RBFOX1: variants seen among roughly 807,000 people sequenced by gnomAD.
RBFOX1 encodes the protein RNA binding fox-1 homolog 1.
In RBFOX1, 8 loss-of-function variants were observed where a neutral mutation model predicts 57.7. The observed-to-expected ratio is 0.14, with a 90% confidence interval of 0.08 to 0.25. RBFOX1 has a LOEUF of 0.25. Ranked by LOEUF, RBFOX1 falls within the 10% of genes least tolerant of loss-of-function variation. The pLI, the probability that RBFOX1 is intolerant of heterozygous loss-of-function variation, is 1.00. For synonymous variants in RBFOX1, 326 were observed against 222.4 expected (o/e 1.47, Z -4.15); for missense variants, 611 against 548.5 (o/e 1.11, Z -1.14).
intron 1 of RBFOX1, among the ~76,000 whole-genome samples, chr16:6,222,182 A>G (rs1318902039): frequency 6.6e-6 from 1 of 152,138 alleles, no homozygotes; most frequent in African/African-American, 2.4e-5. Context: ...CTAGAGAGAT[A>G]TTTCTTTTAT....
At chr16:5,978,699 G>C (rs2343345) in intron 4 of RBFOX1, among the ~76,000 whole-genome samples, 1 of 147,212 alleles carries the variant, frequency 6.8e-6, no homozygotes, top group African/African-American at 2.5e-5. Context: ...TGTTGTTGTT[G>C]TTTTTTTAAA....
intron 3 of RBFOX1, among the ~76,000 whole-genome samples, chr16:6,968,100 C>T (rs962993337): frequency 3.9e-5 from 6 of 152,142 alleles, no homozygotes; most frequent in African/African-American, 9.7e-5. Flanking sequence ...TGGAATGGAT[C>T]TGTGGCTCTG....
intron 1 of RBFOX1, among the ~76,000 whole-genome samples, chr16:5,389,900 G>C (rs1056867755): frequency 4.6e-5 from 7 of 152,008 alleles, no homozygotes; most frequent in Non-Finnish European, 8.8e-5. Flanking sequence ...GCTTCACCAT[G>C]TTGCCCAGGC....
At chr16:7,370,879 T>C (rs958219325) in intron 4 of RBFOX1, among the ~76,000 whole-genome samples, 2 of 152,218 alleles carry the variant, frequency 1.3e-5, no homozygotes, top group African/African-American at 4.8e-5. Flanking sequence ...ATGCATAAAA[T>C]GCTTGAGGTC....
chr16:6,357,859 G>C (rs1452347506), intron 2 of RBFOX1, among the ~76,000 whole-genome samples: 2 of 151,768 alleles, frequency 1.3e-5, no homozygotes, highest in Non-Finnish European at 2.9e-5. Context: ...GCTGAGGTAG[G>C]AGAATTGCTT....
intron 3 of RBFOX1, among the ~76,000 whole-genome samples, chr16:5,629,601 G>A (rs1002951631): frequency 8.5e-5 from 13 of 152,308 alleles, no homozygotes; most frequent in African/African-American, 3.1e-4. Flanking sequence ...AATGCCTTCT[G>A]GTTTCCACAA....
chr16:5,793,781 A>T (rs1288900651), intron 3 of RBFOX1, among the ~76,000 whole-genome samples: 1 of 139,218 alleles, frequency 7.2e-6, no homozygotes, highest in Non-Finnish European at 1.5e-5. Context: ...GTGTATGTGC[A>T]TGTGCATGTG....
intron 1 of RBFOX1, among the ~76,000 whole-genome samples, chr16:5,261,421 A>T (rs1406422874): frequency 1.3e-5 from 2 of 152,156 alleles, no homozygotes; most frequent in Non-Finnish European, 2.9e-5. Flanking sequence ...AAGTTCTTGA[A>T]CATGTGATAG....
intron 4 of RBFOX1, among the ~76,000 whole-genome samples, chr16:7,230,334 C>T (rs990139942): frequency 6.6e-6 from 1 of 152,112 alleles, no homozygotes; most frequent in South Asian, 2.1e-4. Flanking sequence ...ATAATTACTC[C>T]GTGTGTTGGG....
At chr16:7,407,450 A>C (rs1337464775) in intron 4 of RBFOX1, among the ~76,000 whole-genome samples, 2 of 152,034 alleles carry the variant, frequency 1.3e-5, no homozygotes, top group Non-Finnish European at 2.9e-5. Context: ...AAAAGAAGCC[A>C]TGATACTAAT....
intron 3 of RBFOX1, among the ~76,000 whole-genome samples, chr16:7,029,810 G>A (rs1196189587): frequency 6.6e-6 from 1 of 152,140 alleles, no homozygotes; most frequent in Non-Finnish European, 1.5e-5. Flanking sequence ...TGGACATTAT[G>A]AAAAGCATGG....
chr16:7,484,377 G>T (rs1599639077), intron 4 of RBFOX1, among the ~76,000 whole-genome samples: 1 of 152,182 alleles, frequency 6.6e-6, no homozygotes, highest in Admixed American at 6.5e-5. Context: ...GACATGGTAA[G>T]TTCAGATTTA....
At chr16:6,243,466 C>T (rs1472639650) in intron 1 of RBFOX1, among the ~76,000 whole-genome samples, 1 of 152,048 alleles carries the variant, frequency 6.6e-6, no homozygotes. Context: ...ATGAGGAGAC[C>T]TGCTTTCCAG....
chr16:6,953,889 C>A (rs967034773), intron 3 of RBFOX1, among the ~76,000 whole-genome samples: 2 of 152,020 alleles, frequency 1.3e-5, no homozygotes, highest in African/African-American at 2.4e-5. Context: ...CAGTTGTTGA[C>A]GTAAAGTTTT....
At chr16:7,654,714 C>G (rs1022213784) in intron 12 of RBFOX1, among the ~76,000 whole-genome samples, 1 of 152,144 alleles carries the variant, frequency 6.6e-6, no homozygotes, top group African/African-American at 2.4e-5. Context: ...AAGGCTCCTG[C>G]TAGAATATTC....
At chr16:6,378,532 G>A (rs1055226540) in intron 2 of RBFOX1, among the ~76,000 whole-genome samples, 3 of 152,180 alleles carry the variant, frequency 2.0e-5, no homozygotes, top group Admixed American at 1.3e-4. Context: ...CCATCTCCTG[G>A]CTGGATCATC....
chr16:6,474,962 C>T (rs766766792), intron 2 of RBFOX1, among the ~76,000 whole-genome samples: 4 of 152,138 alleles, frequency 2.6e-5, no homozygotes, highest in Non-Finnish European at 5.9e-5. Flanking sequence ...ATAAACTGAC[C>T]TTGTACATTT....
intron 4 of RBFOX1, among the ~76,000 whole-genome samples, chr16:7,322,252 A>T (rs1367325869): frequency 6.6e-6 from 1 of 152,226 alleles, no homozygotes; most frequent in Non-Finnish European, 1.5e-5. Flanking sequence ...TTAAGCACAG[A>T]CTTGCTTTTA....
intron 12 of RBFOX1, among the ~76,000 whole-genome samples, chr16:7,659,915 T>C (rs2067266746): frequency 6.6e-6 from 1 of 152,080 alleles, no homozygotes. Flanking sequence ...GGAAAATACG[T>C]ACAAACAGCA....
Sources: allele counts gnomAD v4.1 joint callset (sites outside exome capture counted in the v4.1 genomes callset), GRCh38; gene constraint gnomAD v4.1.1; transcripts MANE v1.5; gene names NCBI Gene and HGNC (gene_info 2026-07-23, HGNC 2026-07-21).